Variants in CREBBP observed in about 807,000 individuals in gnomAD.
CREBBP encodes CREB binding lysine acetyltransferase, also known as CREB-binding protein.
Under a neutral mutation model 265.0 loss-of-function variants are expected in CREBBP, and 19 were observed. The observed-to-expected ratio is 0.07, with a 90% CI of 0.05 to 0.11. The LOEUF (loss-of-function observed/expected upper bound fraction) is 0.11. Among genes scored for constraint, CREBBP ranks in the 10% least tolerant of loss-of-function variants. CREBBP has a pLI of 1.00. For synonymous variants in CREBBP, 1,457 were observed against 1,223.7 expected (o/e 1.19, Z -3.98); for missense variants, 2,525 against 3,219.0 (o/e 0.78, Z 5.22).
At chr16:3,869,532 T>C (rs1328777636) in intron 1 of CREBBP, among the ~76,000 whole-genome samples, 2 of 152,194 alleles carry the variant, frequency 1.3e-5, no homozygotes, top group Non-Finnish European at 2.9e-5. Context: ...GATAAGTAAA[T>C]GTACTTACAG....
chr16:3,779,823 G>T (rs374724526), intron 8 of CREBBP, among the ~76,000 whole-genome samples: 4 of 152,170 alleles, frequency 2.6e-5, no homozygotes, highest in African/African-American at 9.7e-5. Flanking sequence ...GCTCAACAAC[G>T]TTAGGCTTGG....
At chr16:3,771,598 CGCCTGAAACT>C (rs1159201519) in intron 13 of CREBBP, among the ~76,000 whole-genome samples, 1 of 151,950 alleles carries the variant, frequency 6.6e-6, no homozygotes, top group Non-Finnish European at 1.5e-5. Flanking sequence ...AGTCTTGGAA[CGCCTGAAACT>C]GCGGATAGTA....
chr16:3,786,538 G>A (rs991056472), intron 5 of CREBBP, among the ~76,000 whole-genome samples: 4 of 152,230 alleles, frequency 2.6e-5, no homozygotes, highest in African/African-American at 9.6e-5. Flanking sequence ...CAAACTTTGT[G>A]AGGGTAGGGG....
In CREBBP at chr16:3,733,340, C is replaced by G. The variant is rs549010570; in HGVS notation, c.4729-1403G>C. ...TGGCGCCACTGCACTCCAGCCTGGG[C>G]GACAGAGCGAGACTCCATCTCAAAA... On this transcript the variant is annotated intron_variant, in intron 28 of 30. Transcript: ENST00000262367. Among the ~76,000 whole-genome samples, 8 of 140,616 alleles carry G rather than the reference C, an allele frequency of 5.7e-5. No individual in the cohort carries two copies. The Admixed American group carries it at 5.8e-4, about 10-fold the overall frequency. The allele number at this position is 140,616 out of a possible 152,430, so 92.2% of individuals were successfully genotyped here.
In CREBBP at chr16:3,773,835, A is replaced by G. The variant is rs2141215717; in HGVS notation, c.2379T>C (p.Phe793=). The G allele has an allele frequency of 6.2e-7, 1 of 1,612,914 alleles. No individual in the cohort carries two copies. Among genetic ancestry groups the G allele is most frequent in the Non-Finnish European group, 8.5e-7 (1 of 1,180,034 alleles). Residue 793 remains phenylalanine, a synonymous_variant, in exon 13 of 31, where the codon TTT becomes TTC. Coordinates refer to ENST00000262367, the MANE Select transcript of CREBBP (RefSeq NM_004380.3). Reference sequence around the variant, plus strand: ...ATGACGGGAACTGGTTCTGTGGCAGAAACTGGCTCTGAGCGGGCGCCTGGG... The same window carrying G: ...ATGACGGGAACTGGTTCTGTGGCAGGAACTGGCTCTGAGCGGGCGCCTGGG... ...MMAQAPAQSQ[F]LPQNQFPSSS... is the part of the protein sequence containing the mutation.
intron 2 of CREBBP, among the ~76,000 whole-genome samples, chr16:3,813,504 T>C (rs1479176186): frequency 6.6e-6 from 1 of 152,234 alleles, no homozygotes; most frequent in Non-Finnish European, 1.5e-5. Context: ...CTTACTACTC[T>C]CAGAATTTGT....
At chr16:3,778,653 C>G (rs2141236503) in intron 9 of CREBBP, 47 bp downstream of exon 9, 1 of 1,381,668 alleles carries the variant, frequency 7.2e-7, no homozygotes, top group Non-Finnish European at 1.0e-6. Context: ...GTAGTGCTGT[C>G]TACTACAGAT....
intron 16 of CREBBP, among the ~76,000 whole-genome samples, chr16:3,766,624 C>A (rs959899684): frequency 6.6e-6 from 1 of 151,976 alleles, no homozygotes; most frequent in African/African-American, 2.4e-5. Flanking sequence ...CTCCTAGGCT[C>A]AGGCAATCCT....
chr16:3,794,719 A>G lies in CREBBP; in HGVS notation c.976-1093T>C, dbSNP rs562610378. On this transcript the variant is annotated intron_variant, in intron 3 of 30. Coordinates refer to ENST00000262367, the MANE Select transcript of CREBBP (RefSeq NM_004380.3). ...AACAAACCTTTTAACAGCAAGGCAAATGGAAAAGGGGACCCATAGAGTCTT... is the reference window on the plus strand; with the variant it reads ...AACAAACCTTTTAACAGCAAGGCAAGTGGAAAAGGGGACCCATAGAGTCTT... Among the ~76,000 whole-genome samples, 104 of 152,376 alleles carry G rather than the reference A, an allele frequency of 6.8e-4. 2 individuals carry two copies. Among genetic ancestry groups the G allele is most frequent in the African/African-American group, 2.3e-3 (97 of 41,596 alleles).
chr16:3,870,805 A>G (rs1164438758), intron 1 of CREBBP, among the ~76,000 whole-genome samples: 1 of 152,178 alleles, frequency 6.6e-6, no homozygotes, highest in East Asian at 1.9e-4. Flanking sequence ...CAGCTGCCTC[A>G]ACCTGCTATA....
At chr16:3,864,413 G>A (rs959005726) in intron 1 of CREBBP, among the ~76,000 whole-genome samples, 1 of 152,194 alleles carries the variant, frequency 6.6e-6, no homozygotes, top group African/African-American at 2.4e-5. Flanking sequence ...GGGAAGCCGA[G>A]GCAGGGGGAC....
chr16:3,813,432 C>G (rs1000228269), intron 2 of CREBBP, among the ~76,000 whole-genome samples: 1 of 152,140 alleles, frequency 6.6e-6, no homozygotes, highest in Non-Finnish European at 1.5e-5. Flanking sequence ...TCATCTGAAA[C>G]TTAATTGAAG....
intron 18 of CREBBP, 62 bp downstream of exon 18, chr16:3,757,747 T>C: frequency 6.2e-7 from 1 of 1,605,632 alleles, no homozygotes. Context: ...CATATTAGTA[T>C]AACACCCCTC....
chr16:3,739,116 T>C (rs2052140769), intron 25 of CREBBP, among the ~76,000 whole-genome samples: 1 of 152,190 alleles, frequency 6.6e-6, no homozygotes, highest in Non-Finnish European at 1.5e-5. Context: ...TCACCAACCC[T>C]GCTGCCAATC....
intron 15 of CREBBP, among the ~76,000 whole-genome samples, chr16:3,768,597 A>G (rs2052922413): frequency 1.3e-5 from 2 of 152,230 alleles, no homozygotes; most frequent in Admixed American, 6.5e-5. Flanking sequence ...GGTATGAGAC[A>G]GGAAGGAGCA....
chr16:3,861,090 G>C (rs2055063543), intron 1 of CREBBP, among the ~76,000 whole-genome samples: 1 of 152,042 alleles, frequency 6.6e-6, no homozygotes, highest in Admixed American at 6.6e-5. Flanking sequence ...AGCCAACATG[G>C]TGAAACCCTG....
rs1323548201 is a variant in CREBBP, at chr16:3,800,272, G to A, written c.976-6646C>T. On this transcript the variant is annotated intron_variant, in intron 3 of 30. Transcript: ENST00000262367. Reference sequence around the variant, plus strand: ...AGCTGAGATGACAAGTGTGCATCACGACGCCCAGCTAAGTTTTAAAATTTT... The same window carrying A: ...AGCTGAGATGACAAGTGTGCATCACAACGCCCAGCTAAGTTTTAAAATTTT... Among the ~76,000 whole-genome samples, 6 of 152,046 alleles carry A rather than the reference G, an allele frequency of 3.9e-5. No individual in the cohort carries two copies. The South Asian group carries it at 8.3e-4, about 21-fold the overall frequency.
intron 2 of CREBBP, among the ~76,000 whole-genome samples, chr16:3,835,249 A>AAAGGTACAGGGATTC (rs1173256644): frequency 6.6e-6 from 1 of 151,964 alleles, no homozygotes; most frequent in African/African-American, 2.4e-5. Flanking sequence ...AGACTAGAAC[A>AAAGGTACAGGGATTC]AAGGTACAGG....
chr16:3,750,154 C>T (rs2052440705), intron 20 of CREBBP, among the ~76,000 whole-genome samples: 1 of 152,162 alleles, frequency 6.6e-6, no homozygotes, highest in Non-Finnish European at 1.5e-5. Context: ...GTACAAACCA[C>T]CACGCCCTGT....
Sources: allele counts gnomAD v4.1 joint callset (sites outside exome capture counted in the v4.1 genomes callset), GRCh38; gene constraint gnomAD v4.1.1; transcripts MANE v1.5; gene names NCBI Gene and HGNC (gene_info 2026-07-23, HGNC 2026-07-21).